The following MALT1 variants were observed in gnomAD, a reference collection of about 807,000 sequenced individuals.
MALT1 encodes the protein MALT1 paracaspase, also known as mucosa-associated lymphoid tissue lymphoma translocation protein 1.
A neutral mutation model predicts 85.5 loss-of-function variants in MALT1; 36 were observed. That is an observed-to-expected ratio of 0.42 (90% CI 0.32 to 0.56). The LOEUF (loss-of-function observed/expected upper bound fraction) is 0.56. Among genes scored for constraint, MALT1 ranks in the 20% least tolerant of loss-of-function variants. MALT1 has a pLI of 0.10. For missense variants in MALT1, 716 were observed against 981.6 expected (o/e 0.73, Z 3.62); for synonymous variants, 359 against 361.3 (o/e 0.99, Z 0.07).
At chr18:58,700,174 A>T (rs1397791186) in intron 3 of MALT1, among the ~76,000 whole-genome samples, 1 of 152,256 alleles carries the variant, frequency 6.6e-6, no homozygotes, top group Non-Finnish European at 1.5e-5. Flanking sequence ...ATGCCAGAGC[A>T]AATAGTTTTC....
chr18:58,697,665 G>C (rs1212874088), intron 3 of MALT1, among the ~76,000 whole-genome samples: 2 of 152,220 alleles, frequency 1.3e-5, no homozygotes, highest in African/African-American at 4.8e-5. Context: ...TCATTTGTAA[G>C]CTATGTCCTG....
chr18:58,719,344 ACTCTGTCT>A (rs915871089), intron 9 of MALT1, among the ~76,000 whole-genome samples: 6 of 150,150 alleles, frequency 4.0e-5, no homozygotes, highest in African/African-American at 1.2e-4. Flanking sequence ...TCTTCCTCTT[ACTCTGTCT>A]CTCTGTCTCT....
intron 9 of MALT1, among the ~76,000 whole-genome samples, chr18:58,717,036 C>T (rs1602316791): frequency 6.6e-6 from 1 of 152,060 alleles, no homozygotes; most frequent in East Asian, 1.9e-4. Flanking sequence ...TTTTTTGTTT[C>T]TAAGTAATTA....
intron 3 of MALT1, 36 bp downstream of exon 3, chr18:58,696,523 G>T (rs749064773): frequency 6.9e-7 from 1 of 1,453,362 alleles, no homozygotes; most frequent in South Asian, 1.3e-5. Context: ...TTCTTCCAAG[G>T]AGAGAGAATG....
chr18:58,695,029 T>TG (rs1273984917), intron 2 of MALT1, among the ~76,000 whole-genome samples: 3 of 152,144 alleles, frequency 2.0e-5, no homozygotes, highest in African/African-American at 7.2e-5. Context: ...CTGCTGTTCT[T>TG]GTGATAGTGA....
chr18:58,702,096 A>G (rs1198984898), intron 4 of MALT1, among the ~76,000 whole-genome samples: 1 of 151,972 alleles, frequency 6.6e-6, no homozygotes, highest in Non-Finnish European at 1.5e-5. Flanking sequence ...CTGGCATGGT[A>G]GCTCACACCT....
chr18:58,727,461 C>T (rs755822070), intron 10 of MALT1, among the ~76,000 whole-genome samples: 3 of 152,048 alleles, frequency 2.0e-5, no homozygotes, highest in South Asian at 2.1e-4. Flanking sequence ...ATGCCACCAA[C>T]GCCTGGCTAA....
chr18:58,717,069 A>G (rs2054911442), intron 9 of MALT1, among the ~76,000 whole-genome samples: 3 of 152,156 alleles, frequency 2.0e-5, no homozygotes, highest in Non-Finnish European at 2.9e-5. Context: ...TGCTTAAAAG[A>G]TTGAGGAAAA....
intron 1 of MALT1, among the ~76,000 whole-genome samples, chr18:58,676,501 T>G (rs926843735): frequency 5.9e-5 from 9 of 152,222 alleles, no homozygotes; most frequent in Non-Finnish European, 1.2e-4. Context: ...TGCCTTCCTT[T>G]GGACACAGTA....
intron 4 of MALT1, among the ~76,000 whole-genome samples, chr18:58,704,009 G>T (rs7228973): frequency 0.57 from 85,893 of 151,950 alleles, 25,497 homozygotes; most frequent in Non-Finnish European, 0.67. Context: ...TGTATCATTA[G>T]GCAGTCCCAT....
At chr18:58,735,425 A>T in intron 13 of MALT1, 96 bp downstream of exon 13, 1 of 1,344,354 alleles carries the variant, frequency 7.4e-7, no homozygotes, top group Non-Finnish European at 9.9e-7. Context: ...TTTTATTCTT[A>T]TTATGTGGGT....
intron 10 of MALT1, among the ~76,000 whole-genome samples, chr18:58,728,348 A>G (rs576001192): frequency 3.3e-5 from 5 of 152,346 alleles, no homozygotes; most frequent in African/African-American, 9.6e-5. Flanking sequence ...GCTCACACCT[A>G]TAATCCTAAC....
At chr18:58,728,647 T>A (rs772194746) in intron 10 of MALT1, among the ~76,000 whole-genome samples, 16 of 152,204 alleles carry the variant, frequency 1.1e-4, no homozygotes, top group Non-Finnish European at 2.1e-4. Context: ...TGATTTGGAC[T>A]AGTTCATTTT....
intron 3 of MALT1, among the ~76,000 whole-genome samples, chr18:58,699,994 A>G (rs2054648638): frequency 6.6e-6 from 1 of 152,258 alleles, no homozygotes; most frequent in Non-Finnish European, 1.5e-5. Flanking sequence ...TCAAGGTGAA[A>G]TAACTTGCCC....
At chr18:58,678,740 A>T (rs762106836) in intron 1 of MALT1, among the ~76,000 whole-genome samples, 1 of 152,220 alleles carries the variant, frequency 6.6e-6, no homozygotes, top group Non-Finnish European at 1.5e-5. Context: ...AGAATGTGTG[A>T]TAGAGACTCT....
intron 10 of MALT1, among the ~76,000 whole-genome samples, chr18:58,728,471 G>T (rs971377925): frequency 2.6e-5 from 4 of 152,104 alleles, no homozygotes; most frequent in African/African-American, 9.7e-5. Context: ...CAGGCATGGT[G>T]GCACATGCCT....
chr18:58,734,443 C>CTAA (rs767053609), intron 12 of MALT1, 62 bp downstream of exon 12: 8 of 1,346,690 alleles, frequency 5.9e-6, no homozygotes, highest in Non-Finnish European at 8.5e-6. Context: ...TTTGTTTTTG[C>CTAA]TTTTTAGGAG....
At chr18:58,715,798 G>A (rs1256167256) in intron 8 of MALT1, 137 bp from the exon 9 acceptor site, 2 of 680,300 alleles carry the variant, frequency 2.9e-6, no homozygotes, top group Non-Finnish European at 5.2e-6. Flanking sequence ...CCATTCAAGA[G>A]TGTTTTTATT....
intron 3 of MALT1, among the ~76,000 whole-genome samples, chr18:58,698,035 G>GTT (rs398120520): frequency 7.8e-4 from 37 of 47,536 alleles, no homozygotes; most frequent in South Asian, 2.6e-3. Flanking sequence ...GATTCGTGGG[G>GTT]TTTTTTGTTG....
Sources: allele counts gnomAD v4.1 joint callset (sites outside exome capture counted in the v4.1 genomes callset), GRCh38; gene constraint gnomAD v4.1.1; transcripts MANE v1.5; gene names NCBI Gene and HGNC (gene_info 2026-07-23, HGNC 2026-07-21).